The following EXOSC5 variants were observed in gnomAD, a reference collection of about 807,000 sequenced individuals.
EXOSC5 encodes the protein exosome component 5, also known as exosome complex component RRP46.
Under a neutral mutation model 23.7 loss-of-function variants are expected in EXOSC5, and 15 were observed. The observed-to-expected ratio is 0.63, with a 90% CI of 0.42 to 0.97. The LOEUF is 0.97. Among genes scored for constraint, EXOSC5 ranks in the 50% least tolerant of loss-of-function variants. The probability of loss-of-function intolerance (pLI) is 0.00; values close to 1 mark genes in which losing one functional copy is unlikely to be tolerated. For synonymous variants in EXOSC5, 143 were observed against 140.9 expected, an observed-to-expected ratio of 1.02 and a Z score of -0.11; for missense variants, 305 against 316.3, an observed-to-expected ratio of 0.96 and a Z score of 0.27.
chr19:41,392,064 T>C, intron 2 of EXOSC5, 102 bp from the exon 3 acceptor site: 1 of 1,492,400 alleles, frequency 6.7e-7, no homozygotes, highest in Non-Finnish European at 8.8e-7. Flanking sequence ...GGTCTCAGCC[T>C]GGGATGGTGC....
At chr19:41,391,646 G>A (rs1008071500) in intron 3 of EXOSC5, 195 bp downstream of exon 3, 1 of 623,656 alleles carries the variant, frequency 1.6e-6, no homozygotes. Flanking sequence ...TATTACATGA[G>A]TTAATGTGCA....
rs547439208 is a variant in EXOSC5 at position 41,389,882 on chromosome 19, G to A, written c.408C>T (p.Ala136=). The change falls in exon 4 of 6, where the codon GCC becomes GCT. Residue 136 remains alanine (A), a synonymous_variant. Transcript: ENST00000221233. ...AGSLLACCLN[A]ACMALVDAGV... is the part of the protein sequence containing the mutation. ...CTGCATCCACCAATGCCATGCAGGC[G>A]GCATTCAGACAACAGGCCAGGAGCT... 1.4e-5 allele frequency: 23 copies of A among 1,611,502 alleles called. No homozygotes were observed. The highest frequency in any genetic ancestry group is 3.3e-5 in the South Asian group (3 of 90,748).
chr19:41,393,561 AT>A (rs5828105), intron 1 of EXOSC5, among the ~76,000 whole-genome samples: 95,623 of 145,616 alleles, frequency 0.66, 31,895 homozygotes, highest in African/African-American at 0.82. Flanking sequence ...GATATTAGTA[AT>A]TTTTTTTTTT....
chr19:41,397,325 C>T lies in EXOSC5; in HGVS notation c.4G>A (p.Glu2Lys), dbSNP rs2039080305. The T allele has an allele frequency of 1.2e-6, 2 of 1,611,898 alleles. No individual in the cohort carries two copies. Among genetic ancestry groups the T allele is most frequent in the Non-Finnish European group, 1.7e-6 (2 of 1,178,274 alleles). Residue 2 changes from glutamate to lysine, a missense_variant, in exon 1 of 6, where the codon GAG becomes AAG. Glu to Lys is a moderately conservative substitution (Grantham distance 56). Coordinates refer to ENST00000221233, the MANE Select transcript of EXOSC5 (RefSeq NM_020158.4). M[E>K]EETHTDAKIR... ...TTGGCGTCAGTATGCGTCTCCTCCT[C>T]CATCGCGCCGAGCCCACGTGCGGCT...
intron 4 of EXOSC5, among the ~76,000 whole-genome samples, chr19:41,388,080 T>G (rs1352001653): frequency 6.6e-6 from 1 of 152,334 alleles, no homozygotes; most frequent in African/African-American, 2.4e-5. Flanking sequence ...CGCAGCCATT[T>G]TTTGTCTACG....
rs1228740123 is a variant in EXOSC5, at chr19:41,389,910, G to C, written c.385-5C>G. The stretch of plus-strand genomic sequence containing the variant: ...ATTCAGACAACAGGCCAGGAGCTGA[G>C]CACCACAGGAAATGGTTAAGTTTCT... On this transcript the variant is annotated splice_polypyrimidine_tract_variant and splice_region_variant and intron_variant, in intron 3 of 5. Coordinates refer to ENST00000221233, the MANE Select transcript of EXOSC5 (RefSeq NM_020158.4). 1 of 1,583,628 alleles carries C rather than the reference G, an allele frequency of 6.3e-7. No individual in the cohort carries two copies. The highest frequency in any genetic ancestry group is 2.2e-5 in the East Asian group (1 of 44,538).
intron 2 of EXOSC5, among the ~76,000 whole-genome samples, 173 bp downstream of exon 2, chr19:41,392,694 A>C (rs1354853080): frequency 6.6e-6 from 1 of 152,168 alleles, no homozygotes; most frequent in Admixed American, 6.5e-5. Flanking sequence ...TTAGAGGCAG[A>C]GAGAGAAGCA....
intron 3 of EXOSC5, among the ~76,000 whole-genome samples, chr19:41,390,266 A>G (rs1162252946): frequency 6.6e-6 from 1 of 152,138 alleles, no homozygotes; most frequent in Non-Finnish European, 1.5e-5. Flanking sequence ...TGGCCAGCAG[A>G]GCAGATCCAT....
intron 3 of EXOSC5, 39 bp downstream of exon 3, chr19:41,391,801 AG>A (rs780526246): frequency 6.8e-7 from 1 of 1,478,304 alleles, no homozygotes; most frequent in South Asian, 1.4e-5. Context: ...GGAAGCAATC[AG>A]GAGACTTCCT....
At chr19:41,394,664 C>G (rs898906480) in intron 1 of EXOSC5, among the ~76,000 whole-genome samples, 2 of 152,090 alleles carry the variant, frequency 1.3e-5, no homozygotes, top group Non-Finnish European at 1.5e-5. Flanking sequence ...ATTACAGGTG[C>G]GTGCTACCAC....
In EXOSC5 at chr19:41,386,625, A is replaced by G; in HGVS notation, c.*8T>C. On this transcript the variant is annotated 3_prime_UTR_variant, in exon 6 of 6. Transcript: ENST00000221233. ...GGCAATGGGAGCGGCCCCTTGCCCC[A>G]GCTTGCCTCAGCTCTTGGAGTAACG... The G allele has an allele frequency of 1.3e-6, 2 of 1,575,532 alleles. No homozygotes were observed. The highest frequency in any genetic ancestry group is 1.7e-6 in the Non-Finnish European group (2 of 1,160,462).
chr19:41,394,914 G>A (rs1421730620), intron 1 of EXOSC5, among the ~76,000 whole-genome samples: 1 of 151,756 alleles, frequency 6.6e-6, no homozygotes, highest in Non-Finnish European at 1.5e-5. Flanking sequence ...CGCACCTGTG[G>A]TCCCAGCTAC....
In EXOSC5 at chr19:41,392,946, C is replaced by G. The variant is rs545745457; in HGVS notation, c.183G>C (p.Pro61=). 1.9e-6 allele frequency: 3 copies of G among 1,613,556 alleles called. No individual in the cohort carries two copies. The South Asian group carries it at 3.3e-5, about 18-fold the overall frequency. The change falls in exon 2 of 6, where the codon CCG becomes CCC. Residue 61 remains proline, a synonymous_variant. Transcript: ENST00000221233. ...DTSVLAGVYG[P]AEVKVSKEIF... Reference sequence around the variant, plus strand: ...TCTCTTTGCTGACCTTCACCTCGGCCGGCCCGTACACACCCGCCAGGACAG... The same window carrying G: ...TCTCTTTGCTGACCTTCACCTCGGCGGGCCCGTACACACCCGCCAGGACAG...
intron 1 of EXOSC5, among the ~76,000 whole-genome samples, chr19:41,395,141 C>T (rs1047443906): frequency 2.0e-5 from 3 of 152,006 alleles, no homozygotes; most frequent in Admixed American, 1.3e-4. Context: ...TTAATTCTTA[C>T]GTTCGAAGAA....
chr19:41,393,574 T>A (rs62835160), intron 1 of EXOSC5, among the ~76,000 whole-genome samples: 2 of 128,652 alleles, frequency 1.6e-5, no homozygotes, highest in East Asian at 4.4e-4. Context: ...TTTTTTTTTT[T>A]AATGAGATGG....
At chr19:41,387,191 A>C (rs2038990734) in intron 5 of EXOSC5, among the ~76,000 whole-genome samples, 1 of 152,182 alleles carries the variant, frequency 6.6e-6, no homozygotes, top group African/African-American at 2.4e-5. Context: ...GTCATGTCCA[A>C]GAGTTTCCAG....
At chr19:41,397,121 C>T in intron 1 of EXOSC5, 60 bp downstream of exon 1, 1 of 1,540,358 alleles carries the variant, frequency 6.5e-7, no homozygotes, top group Non-Finnish European at 8.8e-7. Flanking sequence ...GAGGTGGGCA[C>T]TCGGTTGCAC....
At chr19:41,392,791 CA>C in intron 2 of EXOSC5, 75 bp downstream of exon 2, 1 of 1,343,858 alleles carries the variant, frequency 7.4e-7, no homozygotes, top group Non-Finnish European at 1.1e-6. Context: ...AGACTCGGGG[CA>C]GCTGGTAGGG....
Position 41,389,749 on chromosome 19 carries a change from T to G in EXOSC5, c.525+16A>C, listed in dbSNP as rs1428586819. 1.2e-6 allele frequency: 2 copies of G among 1,610,228 alleles called. No individual in the cohort carries two copies. Among genetic ancestry groups the G allele is most frequent in the East Asian group, 2.2e-5 (1 of 44,826 alleles). On this transcript the variant is annotated intron_variant, in intron 4 of 5. Coordinates refer to ENST00000221233, the MANE Select transcript of EXOSC5 (RefSeq NM_020158.4). ...TCTGGCCTCTGCCCTTCAGCCACCC[T>G]GGTCTTCACACCTACCTTTTCTTGC...
Sources: gnomAD v4.1 joint callset for allele counts (sites outside exome capture counted in the v4.1 genomes callset) on GRCh38, gnomAD v4.1.1 for gene constraint, MANE v1.5 for transcripts, NCBI Gene and HGNC (gene_info 2026-07-23, HGNC 2026-07-21) for gene names.